Variants in CHN1 observed in about 807,000 individuals in gnomAD.
CHN1 encodes the protein N-chimaerin.
Under a neutral mutation model 59.5 loss-of-function variants are expected in CHN1, and 37 were observed. The observed-to-expected ratio is 0.62, with a 90% confidence interval of 0.48 to 0.82. CHN1 has a LOEUF of 0.82. Among genes scored for constraint, CHN1 ranks in the 40% least tolerant of loss-of-function variants. The probability of loss-of-function intolerance (pLI) is 0.00; values close to 1 mark genes in which losing one functional copy is unlikely to be tolerated. For synonymous variants in CHN1, 206 were observed against 200.4 expected (o/e 1.03, Z -0.24); for missense variants, 469 against 571.0 (o/e 0.82, Z 1.82).
chr2:174,876,785 C>T (rs1194977543), intron 6 of CHN1, among the ~76,000 whole-genome samples: 1 of 152,090 alleles, frequency 6.6e-6, no homozygotes, highest in Admixed American at 6.6e-5. Flanking sequence ...AATAACATTA[C>T]CACCAAACTA....
At chr2:174,937,418 A>G (rs955635026) in intron 3 of CHN1, among the ~76,000 whole-genome samples, 3 of 152,236 alleles carry the variant, frequency 2.0e-5, no homozygotes, top group Non-Finnish European at 4.4e-5. Flanking sequence ...TATCATTGTA[A>G]GTAAGCATAA....
rs953774781 is a variant in CHN1 at position 174,961,242 on chromosome 2, G to A, written c.20-9040C>T. ...GGGAGGGAGGGAGGGAGGGAGGAAGGCAGGCAGGCAGGCAGAAACTTGAAT... is the reference window on the plus strand; with the variant it reads ...GGGAGGGAGGGAGGGAGGGAGGAAGACAGGCAGGCAGGCAGAAACTTGAAT... On this transcript the variant is annotated intron_variant, in intron 1 of 12. Transcript: ENST00000409900. Among the ~76,000 whole-genome samples the A allele has an allele frequency of 1.3e-4, 19 of 147,858 alleles. No homozygotes were observed. In the East Asian group the frequency reaches 3.7e-3, roughly 28 times the overall value.
At chr2:174,920,393 A>C (rs753528274) in intron 3 of CHN1, among the ~76,000 whole-genome samples, 1 of 152,156 alleles carries the variant, frequency 6.6e-6, no homozygotes, top group Non-Finnish European at 1.5e-5. Context: ...TGAGCGTCGG[A>C]GAGATTACGT....
At chr2:174,871,525 C>G (rs577331942) in intron 6 of CHN1, among the ~76,000 whole-genome samples, 2 of 151,988 alleles carry the variant, frequency 1.3e-5, no homozygotes, top group Non-Finnish European at 2.9e-5. Flanking sequence ...TGAAACAATA[C>G]TGGGGGAAAA....
chr2:174,940,035 A>C (rs1374988747), intron 3 of CHN1, among the ~76,000 whole-genome samples: 1 of 151,838 alleles, frequency 6.6e-6, no homozygotes. Flanking sequence ...TATTTTATTT[A>C]TTTATTTATT....
At chr2:174,830,410 A>G (rs1685838759) in intron 7 of CHN1, among the ~76,000 whole-genome samples, 1 of 152,228 alleles carries the variant, frequency 6.6e-6, no homozygotes, top group Non-Finnish European at 1.5e-5. Flanking sequence ...GAGTATCTTT[A>G]GTATCAAGGC....
At chr2:174,856,886 G>A (rs547512674) in intron 6 of CHN1, among the ~76,000 whole-genome samples, 1 of 152,160 alleles carries the variant, frequency 6.6e-6, no homozygotes, top group Non-Finnish European at 1.5e-5. Flanking sequence ...TCTTCAGAAG[G>A]TAGCTCTGGC....
chr2:174,886,610 G>T (rs945566194), intron 5 of CHN1, among the ~76,000 whole-genome samples: 10 of 152,094 alleles, frequency 6.6e-5, no homozygotes, highest in African/African-American at 2.4e-4. Flanking sequence ...TAAAGGCATG[G>T]GTTTTGTGAT....
rs140556499 is a variant in CHN1 at position 174,925,224 on chromosome 2, C to A, written c.115-6659G>T. 4.4e-3 allele frequency among the ~76,000 whole-genome samples: 676 copies of A among 152,208 alleles called. 6 individuals carry two copies. The highest frequency in any genetic ancestry group is 0.015 in the African/African-American group (637 of 41,520). On this transcript the variant is annotated intron_variant, in intron 3 of 12. Transcript: ENST00000409900. ...GGTTGGACAAGCCTCCTCATACCCC[C>A]GCCTTTTGGTGTTTAGGCACAACTG...
chr2:174,945,106 A>AT, intron 2 of CHN1, 163 bp from the exon 3 acceptor site: 1 of 559,390 alleles, frequency 1.8e-6, no homozygotes, highest in Non-Finnish European at 3.2e-6. Flanking sequence ...ACAAAACTAC[A>AT]TATAGTGAAA....
At chr2:174,819,697 G>A (rs1162079946) in intron 8 of CHN1, among the ~76,000 whole-genome samples, 1 of 151,696 alleles carries the variant, frequency 6.6e-6, no homozygotes, top group African/African-American at 2.4e-5. Flanking sequence ...AAGTTTTAGG[G>A]TACATGTGCA....
intron 3 of CHN1, among the ~76,000 whole-genome samples, chr2:174,921,764 T>C (rs1248697014): frequency 6.6e-6 from 1 of 152,084 alleles, no homozygotes; most frequent in Non-Finnish European, 1.5e-5. Context: ...GAAAAGCCCC[T>C]TATAAAACCA....
intron 9 of CHN1, 48 bp from the exon 10 acceptor site, chr2:174,811,636 G>T (rs1456308877): frequency 2.6e-6 from 3 of 1,157,018 alleles, no homozygotes; most frequent in Non-Finnish European, 3.8e-6. Context: ...CTTTTCTTCA[G>T]ATTTTAACTC....
chr2:174,973,272 C>T (rs757191076), intron 1 of CHN1, among the ~76,000 whole-genome samples: 1 of 152,140 alleles, frequency 6.6e-6, no homozygotes, highest in Non-Finnish European at 1.5e-5. Context: ...CAACATTTTG[C>T]CAGATCATGA....
At chr2:174,932,749 G>C (rs1689387281) in intron 3 of CHN1, among the ~76,000 whole-genome samples, 1 of 151,724 alleles carries the variant, frequency 6.6e-6, no homozygotes, top group African/African-American at 2.4e-5. Context: ...TGTGGCACCT[G>C]CCCTCTGTCT....
At chr2:174,831,495 G>A (rs1177953134) in intron 7 of CHN1, among the ~76,000 whole-genome samples, 2 of 152,064 alleles carry the variant, frequency 1.3e-5, no homozygotes, top group Non-Finnish European at 2.9e-5. Context: ...CAAGAATCTG[G>A]ATGTGGAAAT....
At chr2:174,875,318 G>A (rs1176790547) in intron 6 of CHN1, among the ~76,000 whole-genome samples, 1 of 152,206 alleles carries the variant, frequency 6.6e-6, no homozygotes, top group Non-Finnish European at 1.5e-5. Context: ...AGTCCAGACA[G>A]GTGAGATGAC....
chr2:174,807,514 T>TGTGTG (rs1684935493), intron 11 of CHN1, among the ~76,000 whole-genome samples: 1 of 81,572 alleles, frequency 1.2e-5, no homozygotes, highest in Admixed American at 1.3e-4. Context: ...GTGTGTGTGT[T>TGTGTG]GCTTTCTAGA....
At chr2:174,856,123 A>T (rs557604938) in intron 6 of CHN1, among the ~76,000 whole-genome samples, 2 of 152,248 alleles carry the variant, frequency 1.3e-5, no homozygotes, top group Non-Finnish European at 2.9e-5. Context: ...TCAACAATCA[A>T]GCAAAATTTT....
Sources: allele counts gnomAD v4.1 joint callset (sites outside exome capture counted in the v4.1 genomes callset), GRCh38; gene constraint gnomAD v4.1.1; transcripts MANE v1.5; gene names NCBI Gene and HGNC (gene_info 2026-07-23, HGNC 2026-07-21).